SHQ1: variants seen among roughly 807,000 people sequenced by gnomAD.
The protein encoded by SHQ1 is SHQ1, H/ACA ribonucleoprotein assembly factor.
Under a neutral mutation model 53.8 loss-of-function variants are expected in SHQ1, and 49 were observed. The observed-to-expected ratio is 0.91, with a 90% CI of 0.72 to 1.16. The LOEUF (loss-of-function observed/expected upper bound fraction) is 1.16. Ranked by LOEUF, SHQ1 falls within the 50% of genes most tolerant of loss-of-function variation. The probability of loss-of-function intolerance (pLI) is 0.00; values close to 1 mark genes in which losing one functional copy is unlikely to be tolerated. For missense variants in SHQ1, 738 were observed against 683.1 expected (o/e 1.08, Z -0.90); for synonymous variants, 243 against 251.0 (o/e 0.97, Z 0.30).
intron 1 of SHQ1, chr3:72,846,361 C>G: frequency 6.7e-7 from 1 of 1,482,142 alleles, no homozygotes; most frequent in Non-Finnish European, 9.0e-7. Context: ...ATAGCGCAAT[C>G]TTGGCTCACT....
At chr3:72,847,397 G>A (rs1233922050) in intron 1 of SHQ1, among the ~76,000 whole-genome samples, 1 of 152,176 alleles carries the variant, frequency 6.6e-6, no homozygotes, top group African/African-American at 2.4e-5. Flanking sequence ...GGATGAATAT[G>A]TAGCAGCGGG....
chr3:72,788,069 T>A (rs1706297928), intron 10 of SHQ1, among the ~76,000 whole-genome samples: 1 of 152,144 alleles, frequency 6.6e-6, no homozygotes, highest in African/African-American at 2.4e-5. Flanking sequence ...CGCTACAACC[T>A]CAACCTCCCA....
At chr3:72,834,541 A>T (rs1707933250) in intron 4 of SHQ1, among the ~76,000 whole-genome samples, 1 of 152,320 alleles carries the variant, frequency 6.6e-6, no homozygotes, top group South Asian at 2.1e-4. Flanking sequence ...AAAAAAAAGA[A>T]GTCGTCGTCA....
At chr3:72,753,560 A>G in intron 10 of SHQ1, 2 of 985,382 alleles carry the variant, frequency 2.0e-6, no homozygotes, top group Non-Finnish European at 2.4e-6. Flanking sequence ...CGGGAGGCAC[A>G]GTGCGGTGAG....
chr3:72,833,417 G>C (rs958424409), intron 4 of SHQ1, among the ~76,000 whole-genome samples: 5 of 151,826 alleles, frequency 3.3e-5, no homozygotes, highest in African/African-American at 1.2e-4. Flanking sequence ...CTCTGGCCTG[G>C]GCGACAGAGC....
chr3:72,847,632 G>A (rs2106991385), intron 1 of SHQ1, among the ~76,000 whole-genome samples: 1 of 152,240 alleles, frequency 6.6e-6, no homozygotes, highest in Non-Finnish European at 1.5e-5. Flanking sequence ...ACACTTCAGG[G>A]ACAAAACCAA....
chr3:72,762,101 A>C (rs1203778356), intron 10 of SHQ1, among the ~76,000 whole-genome samples: 2 of 152,202 alleles, frequency 1.3e-5, no homozygotes, highest in Admixed American at 6.5e-5. Context: ...ATACATGTGC[A>C]CACACATGCC....
downstream of SHQ1, among the ~76,000 whole-genome samples, chr3:72,744,926 G>C (rs114088367): frequency 7.5e-4 from 85 of 113,740 alleles, no homozygotes; most frequent in East Asian, 4.2e-3. Context: ...GATACATTGG[G>C]GGGGGGGGGT....
chr3:72,758,580 T>C (rs1705547728), intron 10 of SHQ1, among the ~76,000 whole-genome samples: 2 of 145,062 alleles, frequency 1.4e-5, no homozygotes, highest in Non-Finnish European at 1.5e-5. Context: ...TTTTTTTTTT[T>C]TTTTTCCGAG....
intron 10 of SHQ1, among the ~76,000 whole-genome samples, chr3:72,775,782 A>T (rs2106747530): frequency 6.6e-6 from 1 of 152,328 alleles, no homozygotes; most frequent in East Asian, 1.9e-4. Context: ...AACAAATTAA[A>T]GGAAAAAATT....
At chr3:72,826,140 T>C (rs1177544242) in intron 5 of SHQ1, among the ~76,000 whole-genome samples, 1 of 152,188 alleles carries the variant, frequency 6.6e-6, no homozygotes, top group Non-Finnish European at 1.5e-5. Flanking sequence ...AAATATTCCA[T>C]TTTTATATAT....
chr3:72,812,841 A>C (rs1298494594), intron 8 of SHQ1, 47 bp from the exon 9 acceptor site: 1 of 1,610,108 alleles, frequency 6.2e-7, no homozygotes, highest in Admixed American at 1.7e-5. Context: ...AAAATGTTAC[A>C]CAAACAAAAG....
At chr3:72,799,699 C>T (rs111952481) in intron 9 of SHQ1, among the ~76,000 whole-genome samples, 1,686 of 152,290 alleles carry the variant, frequency 0.011, 35 homozygotes, top group African/African-American at 0.038. Context: ...TGAGCACAAA[C>T]TTATAGTCCT....
intron 10 of SHQ1, among the ~76,000 whole-genome samples, chr3:72,756,863 C>G (rs973054904): frequency 2.0e-5 from 3 of 152,154 alleles, no homozygotes; most frequent in Admixed American, 6.5e-5. Flanking sequence ...GTAACTACCA[C>G]GAAAGAGTAA....
chr3:72,824,319 T>TTTTA (rs1485763692), intron 6 of SHQ1, 105 bp downstream of exon 6: 2 of 1,355,574 alleles, frequency 1.5e-6, no homozygotes, highest in East Asian at 5.0e-5. Context: ...TATTTTAACA[T>TTTTA]TATAAGGCAA....
At chr3:72,758,308 T>C (rs1282586460) in intron 10 of SHQ1, among the ~76,000 whole-genome samples, 1 of 152,188 alleles carries the variant, frequency 6.6e-6, no homozygotes, top group African/African-American at 2.4e-5. Context: ...CAAGGAAGGC[T>C]GCAAGCTAAA....
intron 5 of SHQ1, among the ~76,000 whole-genome samples, chr3:72,831,656 A>G (rs1707824304): frequency 6.6e-6 from 1 of 152,238 alleles, no homozygotes; most frequent in African/African-American, 2.4e-5. Context: ...TAGCAGAGCC[A>G]CATGTCCAAG....
At chr3:72,794,762 C>CACTATCAAGGTCTAGCTCCA (rs1706551731) in intron 9 of SHQ1, 1 of 152,216 alleles carries the variant, frequency 6.6e-6, no homozygotes, top group Non-Finnish European at 1.5e-5. Context: ...TGACCTAGCC[C>CACTATCAAGGTCTAGCTCCA]ACTATCAAGG....
intron 9 of SHQ1, among the ~76,000 whole-genome samples, chr3:72,807,519 C>A (rs1490553104): frequency 6.6e-6 from 1 of 152,194 alleles, no homozygotes; most frequent in African/African-American, 2.4e-5. Context: ...AATGTCAACA[C>A]TGGAAAATGG....
Sources: allele counts gnomAD v4.1 joint callset (sites outside exome capture counted in the v4.1 genomes callset), GRCh38; gene constraint gnomAD v4.1.1; transcripts MANE v1.5; gene names NCBI Gene and HGNC (gene_info 2026-07-23, HGNC 2026-07-21).